The following ELOA2 variants were observed in gnomAD, a reference collection of about 807,000 sequenced individuals.
ELOA2 encodes elongin-A2.
For missense variants in ELOA2, 1,271 were observed against 979.7 expected, an observed-to-expected ratio of 1.30 and a Z score of -3.97; for synonymous variants, 497 against 398.8, an observed-to-expected ratio of 1.25 and a Z score of -2.94.
At position 47,034,862 on chromosome 18, in the gene ELOA2, T is replaced by A. The variant is rs1184070223; in HGVS notation, c.403A>T (p.Thr135Ser). The change falls in exon 1 of 1, where the codon ACA becomes TCA. Residue 135 changes from threonine (T) to serine (S), a missense_variant. By Grantham distance (58) the Thr-to-Ser change is moderately conservative. Coordinates refer to ENST00000332567, the MANE Select transcript of ELOA2 (RefSeq NM_016427.3). ...SPEHRRTARRTPPGQQRPHPR... is the reference protein window; with the variant it reads ...SPEHRRTARRSPPGQQRPHPR... Reference sequence around the variant, plus strand: ...TGAGGTCTCTGTTGCCCCGGAGGTGTTCTGCGTGCTGTCCGTCTGTGCTCA... The same window carrying A: ...TGAGGTCTCTGTTGCCCCGGAGGTGATCTGCGTGCTGTCCGTCTGTGCTCA... The A allele has an allele frequency of 6.2e-7, 1 of 1,612,048 alleles. No individual in the cohort carries two copies. The highest frequency in any genetic ancestry group is 1.3e-5 in the African/African-American group (1 of 74,954).
chr18:47,032,830 G>C lies in ELOA2; in HGVS notation c.*173C>G, dbSNP rs2060538172. 7.9e-7 allele frequency: 1 copy of C among 1,265,708 alleles called. No homozygotes were observed. The highest frequency in any genetic ancestry group is 1.5e-5 in the African/African-American group (1 of 66,958). 78.4% of individuals were successfully genotyped at this position (1,265,708 alleles called of 1,614,324 possible). On this transcript the variant is annotated 3_prime_UTR_variant, in exon 1 of 1. Transcript: ENST00000332567. ...TCTCCAAGCTGGGAGGTAGTGGCTG[G>C]GTGTGGGAGGCAAAATCACAGGGCC...
At position 47,032,949 on chromosome 18, in the gene ELOA2, A is replaced by C. The variant is rs934389534; in HGVS notation, c.*54T>G. ...AAGTTTCGTTCCCCAACCCGCATTGACTTTGCCAATGCAAAAATCCCCCCA... is the reference window on the plus strand; with the variant it reads ...AAGTTTCGTTCCCCAACCCGCATTGCCTTTGCCAATGCAAAAATCCCCCCA... On this transcript the variant is annotated 3_prime_UTR_variant, in exon 1 of 1. Transcript: ENST00000332567. 1 of 1,612,906 alleles carries C rather than the reference A, an allele frequency of 6.2e-7. No homozygotes were observed. The highest frequency in any genetic ancestry group is 8.5e-7 in the Non-Finnish European group (1 of 1,179,884).
At position 47,035,068 on chromosome 18, in the gene ELOA2, G is replaced by T. The variant is rs1162289135; in HGVS notation, c.197C>A (p.Ala66Asp). Residue 66 changes from alanine to aspartate, a missense_variant, in exon 1 of 1, where the codon GCC (alanine) becomes GAC (aspartate). By Grantham distance (126) the Ala-to-Asp change is moderately radical (BLOSUM62 -2). Coordinates refer to ENST00000332567, the MANE Select transcript of ELOA2 (RefSeq NM_016427.3). ...CTTCCACCGGGCCGCTAAGTCTCTG[G>T]CAAAGTCGCCCACGTGCTGGTGCTT... ...LRKHQHVGDF[A>D]RDLAARWKKL... 1 of 1,610,694 alleles carries T rather than the reference G, an allele frequency of 6.2e-7. No individual in the cohort carries two copies. Among genetic ancestry groups the T allele is most frequent in the Non-Finnish European group, 8.5e-7 (1 of 1,179,652 alleles).
rs138896768 is a variant in ELOA2 at position 47,034,109 on chromosome 18, A to T, written c.1156T>A (p.Tyr386Asn). The change falls in exon 1 of 1, where the codon TAC (tyrosine) becomes AAC (asparagine). Residue 386 changes from tyrosine to asparagine, a missense_variant. Coordinates refer to ENST00000332567, the MANE Select transcript of ELOA2 (RefSeq NM_016427.3). ...TTCCGCAACTGATCGTAGGTGAGGT[A>T]TTTTTCACATGACAGAGTGGGCTGC... ...FEQPTLSCEK[Y>N]LTYDQLRKQK... 1,578 of 1,614,138 alleles carry T rather than the reference A, an allele frequency of 9.8e-4. 7 individuals are homozygous for T. The African/African-American group carries it at 0.01, about 11-fold the overall frequency.
In ELOA2 at chr18:47,033,446, G is replaced by T. The variant is rs181838893; in HGVS notation, c.1819C>A (p.Gln607Lys). The change falls in exon 1 of 1, where the codon CAG becomes AAG. Residue 607 changes from glutamine to lysine, a missense_variant. Gln to Lys is a moderately conservative substitution (Grantham distance 53). Transcript: ENST00000332567. ...KPQENKTWRE[Q>K]YLRLPDAPEQ... The stretch of plus-strand genomic sequence containing the variant: ...GGGGCGTCCGGAAGCCGCAGGTACT[G>T]CTCCCTCCAAGTTTTGTTTTCCTGT... The T allele has an allele frequency of 6.8e-6, 11 of 1,613,922 alleles. No individual in the cohort carries two copies. In the Admixed American group the frequency reaches 1.5e-4, roughly 22 times the overall value.
At position 47,034,735 on chromosome 18, in the gene ELOA2, G is replaced by T; in HGVS notation, c.530C>A (p.Pro177His). The T allele has an allele frequency of 6.2e-7, 1 of 1,613,014 alleles. No homozygotes were observed. Among genetic ancestry groups the T allele is most frequent in the Non-Finnish European group, 8.5e-7 (1 of 1,179,864 alleles). The stretch of plus-strand genomic sequence containing the variant: ...CTCAGGGCCCTCGGGCATCCGGAGG[G>T]GAGCTGTGCGCGTTGGAGAGGCCCG... ...RYRASPTRTA[P>H]LRMPEGPEPA... Residue 177 changes from proline to histidine, a missense_variant, in exon 1 of 1, where the codon CCC becomes CAC. By Grantham distance (77) the Pro-to-His change is moderately conservative (BLOSUM62 -2). Coordinates refer to ENST00000332567, the MANE Select transcript of ELOA2 (RefSeq NM_016427.3).
In ELOA2 at chr18:47,033,572, C is replaced by T. The variant is rs536656582; in HGVS notation, c.1693G>A (p.Asp565Asn). The change falls in exon 1 of 1, where the codon GAT (aspartate) becomes AAT (asparagine). Residue 565 changes from aspartate (D) to asparagine (N), a missense_variant. Physicochemically the swap from Asp to Asn is conservative, Grantham distance 23. Coordinates refer to ENST00000332567, the MANE Select transcript of ELOA2 (RefSeq NM_016427.3). ...TCTTTCTTTCTGCGATACAGCTGAT[C>T]GGGCCTCCACCCTTCCAGAACAGGT... ...LEPVLEGWRPDQLYRRKKDNH... is the reference protein window; with the variant it reads ...LEPVLEGWRPNQLYRRKKDNH... 2.5e-6 allele frequency: 4 copies of T among 1,614,198 alleles called. No homozygotes were observed. The South Asian group carries it at 3.3e-5, about 13-fold the overall frequency.
At position 47,033,372 on chromosome 18, in the gene ELOA2, T is replaced by C. The variant is rs748544977; in HGVS notation, c.1893A>G (p.Gly631=). Residue 631 remains glycine, a synonymous_variant, in exon 1 of 1, where the codon GGA becomes GGG. Transcript: ENST00000332567. ...VMTTNIRSAR[G]NNPNGREAKM... The stretch of plus-strand genomic sequence containing the variant: ...TTGCCTCTCTGCCGTTGGGGTTGTT[T>C]CCACGTGCAGATCGGATATTCGTTG... 4 of 1,614,188 alleles carry C rather than the reference T, an allele frequency of 2.5e-6. No individual in the cohort carries two copies. The East Asian group carries it at 8.9e-5, about 36-fold the overall frequency.
chr18:47,034,010 C>A lies in ELOA2; in HGVS notation c.1255G>T (p.Gly419Cys), dbSNP rs2060628383. 6.2e-7 allele frequency: 1 copy of A among 1,613,908 alleles called. No homozygotes were observed. Among genetic ancestry groups the A allele is most frequent in the Admixed American group, 1.7e-5 (1 of 60,008 alleles). The change falls in exon 1 of 1, where the codon GGC becomes TGC. Residue 419 changes from glycine (G) to cysteine (C), a missense_variant. Coordinates refer to ENST00000332567, the MANE Select transcript of ELOA2 (RefSeq NM_016427.3). ...GCCGAATCCCAGGACTCACGAGTGC[C>A]CTTGGATTCGTTTGCTTTCCTTTGT... ...DKQRKANESK[G>C]TRESWDSAKK...
In ELOA2 at chr18:47,033,046, G is replaced by T. The variant is rs750823099; in HGVS notation, c.2219C>A (p.Ala740Asp). 4 of 1,614,144 alleles carry T rather than the reference G, an allele frequency of 2.5e-6. No individual in the cohort carries two copies. The highest frequency in any genetic ancestry group is 3.4e-6 in the Non-Finnish European group (4 of 1,180,036). ...TCTCTTGTAGTCTCGAATTGCCTTG[G>T]CCATCAGCGGGGCCACTTTCTTGGC... ...QAAKKVAPLM[A>D]KAIRDYKRRF... The change falls in exon 1 of 1, where the codon GCC becomes GAC. Residue 740 changes from alanine (A) to aspartate (D), a missense_variant. By Grantham distance (126) the Ala-to-Asp change is moderately radical. Coordinates refer to ENST00000332567, the MANE Select transcript of ELOA2 (RefSeq NM_016427.3).
chr18:47,032,878 C>T lies in ELOA2; in HGVS notation c.*125G>A, dbSNP rs1356821384. On this transcript the variant is annotated 3_prime_UTR_variant, in exon 1 of 1. Coordinates refer to ENST00000332567, the MANE Select transcript of ELOA2 (RefSeq NM_016427.3). Reference sequence around the variant, plus strand: ...GCCAGCACATGACACCTGCAGAATTCAAAGGCTCAACTTTGCACCAAGTTA... The same window carrying T: ...GCCAGCACATGACACCTGCAGAATTTAAAGGCTCAACTTTGCACCAAGTTA... 6.4e-7 allele frequency: 1 copy of T among 1,566,916 alleles called. No individual in the cohort carries two copies. Among genetic ancestry groups the T allele is most frequent in the African/African-American group, 1.4e-5 (1 of 73,924 alleles).
rs576549203 is a variant in ELOA2 at position 47,033,624 on chromosome 18, C to T, written c.1641G>A (p.Val547=). The stretch of plus-strand genomic sequence containing the variant: ...CAAGAACCCAGTAGGGGACCTCTCC[C>T]ACGTCGCTGAGGGCGTCCGGATTGT... ...LRNNPDALSD[V]GEVPYWVLEP... The change falls in exon 1 of 1, where the codon GTG becomes GTA. Residue 547 remains valine, a synonymous_variant. Transcript: ENST00000332567. The T allele has an allele frequency of 7.1e-5, 114 of 1,614,224 alleles. 1 individual carries two copies. In the South Asian group the frequency reaches 1.2e-3, roughly 17 times the overall value.
Position 47,034,848 on chromosome 18 carries a change from T to C in ELOA2, c.417A>G (p.Gln139=). 1.9e-6 allele frequency: 3 copies of C among 1,612,130 alleles called. No individual in the cohort carries two copies. The highest frequency in any genetic ancestry group is 1.1e-5 in the South Asian group (1 of 90,978). Reference sequence around the variant, plus strand: ...TGTGAGACCTCGGGTGAGGTCTCTGTTGCCCCGGAGGTGTTCTGCGTGCTG... The same window carrying C: ...TGTGAGACCTCGGGTGAGGTCTCTGCTGCCCCGGAGGTGTTCTGCGTGCTG... ...RRTARRTPPG[Q]QRPHPRSHSR... Residue 139 remains glutamine (Q), a synonymous_variant, in exon 1 of 1, where the codon CAA becomes CAG. Coordinates refer to ENST00000332567, the MANE Select transcript of ELOA2 (RefSeq NM_016427.3).
Position 47,035,172 on chromosome 18 carries a change from C to A in ELOA2, c.93G>T (p.Leu31Phe), listed in dbSNP as rs536252584. 1 of 1,612,234 alleles carries A rather than the reference C, an allele frequency of 6.2e-7. No individual in the cohort carries two copies. The highest frequency in any genetic ancestry group is 1.7e-5 in the Admixed American group (1 of 60,022). The change falls in exon 1 of 1, where the codon TTG (leucine) becomes TTT (phenylalanine). Residue 31 changes from leucine to phenylalanine, a missense_variant. Leu to Phe is a conservative substitution (Grantham distance 22). Coordinates refer to ENST00000332567, the MANE Select transcript of ELOA2 (RefSeq NM_016427.3). ...TCATGGGCAAGGCGGAGAGTTTCTGCAAATATTTCTCTAGCTTTTTCGGCT... is the reference window on the plus strand; with the variant it reads ...TCATGGGCAAGGCGGAGAGTTTCTGAAAATATTTCTCTAGCTTTTTCGGCT... Reference protein sequence around the residue: ...KTEPKKLEKYLQKLSALPMTA... With the variant: ...KTEPKKLEKYFQKLSALPMTA...
chr18:47,034,095 A>G lies in ELOA2; in HGVS notation c.1170T>C (p.Asp390=). The G allele has an allele frequency of 6.2e-7, 1 of 1,614,152 alleles. No homozygotes were observed. The highest frequency in any genetic ancestry group is 8.5e-7 in the Non-Finnish European group (1 of 1,180,044). The change falls in exon 1 of 1, where the codon GAT becomes GAC. Residue 390 remains aspartate (D), a synonymous_variant. Transcript: ENST00000332567. ...TCTTTTTCTTTTGCTTCCGCAACTG[A>G]TCGTAGGTGAGGTATTTTTCACATG... The part of the protein sequence containing the change: ...TLSCEKYLTY[D]QLRKQKKKTG...
chr18:47,033,508 C>G lies in ELOA2; in HGVS notation c.1757G>C (p.Arg586Thr). Residue 586 changes from arginine to threonine, a missense_variant, in exon 1 of 1, where the codon AGG becomes ACG. By Grantham distance (71) the Arg-to-Thr change is moderately conservative. Transcript: ENST00000332567. ...ALVRETDELR[R>T]NHCFQDFKEE... is the part of the protein sequence containing the mutation. ...CTTGAAGTCCTGGAAACAATGATTC[C>G]TCCGTAATTCGTCTGTCTCTCTAAC... 6.2e-7 allele frequency: 1 copy of G among 1,614,152 alleles called. No individual in the cohort carries two copies. The highest frequency in any genetic ancestry group is 1.3e-5 in the African/African-American group (1 of 75,050).
chr18:47,035,491 G>A lies in ELOA2; in HGVS notation c.-227C>T, dbSNP rs948052200. The stretch of plus-strand genomic sequence containing the variant: ...TGAGCAGGCCCGCTTTTGTTCCTCG[G>A]GATGTGGAGCCACAGCCTGGAGTGA... On this transcript the variant is annotated 5_prime_UTR_variant, in exon 1 of 1. Coordinates refer to ENST00000332567, the MANE Select transcript of ELOA2 (RefSeq NM_016427.3). 8 of 903,346 alleles carry A rather than the reference G, an allele frequency of 8.9e-6. No individual in the cohort carries two copies. The highest frequency in any genetic ancestry group is 1.7e-5 in the African/African-American group (1 of 59,208). The allele number at this position is 903,346 out of a possible 1,614,324, so 56.0% of individuals were successfully genotyped here.
At position 47,032,715 on chromosome 18, in the gene ELOA2, A is replaced by G. The variant is rs868564082; in HGVS notation, c.*288T>C. On this transcript the variant is annotated 3_prime_UTR_variant, in exon 1 of 1. Transcript: ENST00000332567. Reference sequence around the variant, plus strand: ...TCTCACATCTTTTTCCTTATTTATGATTACAACTAGGGTGTTTTTAAAAAT... The same window carrying G: ...TCTCACATCTTTTTCCTTATTTATGGTTACAACTAGGGTGTTTTTAAAAAT... 6.0e-6 allele frequency: 3 copies of G among 502,544 alleles called. No individual in the cohort carries two copies. The highest frequency in any genetic ancestry group is 1.0e-5 in the Non-Finnish European group (3 of 290,158). The allele number at this position is 502,544 out of a possible 1,614,324, so 31.1% of individuals were successfully genotyped here.
At position 47,033,306 on chromosome 18, in the gene ELOA2, A is replaced by G. The variant is rs2060575010; in HGVS notation, c.1959T>C (p.Asp653=). 2 of 1,613,600 alleles carry G rather than the reference A, an allele frequency of 1.2e-6. No homozygotes were observed. Among genetic ancestry groups the G allele is most frequent in the Non-Finnish European group, 1.7e-6 (2 of 1,180,036 alleles). Residue 653 remains aspartate (D), a synonymous_variant, in exon 1 of 1, where the codon GAT becomes GAC. Transcript: ENST00000332567. ...CFKSVAKTPY[D]TSRRQEKSAG... ...CAGACTTCTCTTGCCTCCTTGAAGT[A>G]TCATAAGGCGTCTTGGCCACAGATT...
Sources: allele counts gnomAD v4.1 joint callset, GRCh38; gene constraint gnomAD v4.1.1; transcripts MANE v1.5; gene names NCBI Gene and HGNC (gene_info 2026-07-23, HGNC 2026-07-21).